Variants in COL15A1 observed in about 807,000 individuals in gnomAD.
The protein encoded by COL15A1 is collagen type XV alpha 1 chain.
A neutral mutation model predicts 165.9 loss-of-function variants in COL15A1; 111 were observed. The ratio of observed to expected loss-of-function variants is 0.67; its 90% CI spans 0.57 to 0.78. The LOEUF is 0.78. COL15A1 is among the 30% of genes least tolerant of loss of function. The pLI, the probability that COL15A1 is intolerant of heterozygous loss-of-function variation, is 0.00. For missense variants in COL15A1, 1,745 were observed against 1,789.7 expected (o/e 0.98, Z 0.45); for synonymous variants, 659 against 674.8 (o/e 0.98, Z 0.36).
At chr9:99,044,798 C>G (rs761891786) in intron 26 of COL15A1, 28 bp downstream of exon 26, 1 of 1,605,484 alleles carries the variant, frequency 6.2e-7, no homozygotes, top group South Asian at 1.1e-5. Flanking sequence ...TCAGCTGGAT[C>G]TGGGCTGGGG....
chr9:99,012,757 G>A lies in COL15A1; in HGVS notation c.1354-2660G>A, dbSNP rs552355086. ...GACGGAGTCTCCCTCTATTGCCCAG[G>A]CTGGAGTGCAATGGTACAATCTCGG... On this transcript the variant is annotated intron_variant, in intron 9 of 41. Transcript: ENST00000375001. 2.3e-5 allele frequency among the ~76,000 whole-genome samples: 3 copies of A among 132,710 alleles called. No homozygotes were observed. The East Asian group carries it at 7.3e-4, about 32-fold the overall frequency. 87.1% of individuals were successfully genotyped at this position (132,710 alleles called of 152,430 possible).
At position 98,996,971 on chromosome 9, in the gene COL15A1, C is replaced by T. The variant is rs1564039395; in HGVS notation, c.842C>T (p.Pro281Leu). ...EAKVEPINTP[P>L]TPSSPFEDME... is the part of the protein sequence containing the mutation. ...AAAGTTGAACCCATAAACACACCTC[C>T]AACTCCATCCTCCCCCTTTGAAGAC... Residue 281 changes from proline (P) to leucine (L), a missense_variant, in exon 6 of 42, where the codon CCA becomes CTA. By Grantham distance (98) the Pro-to-Leu change is moderately conservative. Transcript: ENST00000375001. The T allele has an allele frequency of 1.2e-6, 2 of 1,614,204 alleles. No homozygotes were observed. Among genetic ancestry groups the T allele is most frequent in the Admixed American group, 1.7e-5 (1 of 60,030 alleles).
chr9:98,973,848 C>T (rs1382546948), intron 2 of COL15A1, among the ~76,000 whole-genome samples: 3 of 152,128 alleles, frequency 2.0e-5, no homozygotes, highest in Non-Finnish European at 4.4e-5. Flanking sequence ...GAAACACTGG[C>T]GGGAGACAAG....
intron 2 of COL15A1, among the ~76,000 whole-genome samples, chr9:98,983,270 TG>T (rs1399520177): frequency 6.6e-6 from 1 of 152,146 alleles, no homozygotes; most frequent in Non-Finnish European, 1.5e-5. Context: ...TACCCATTCA[TG>T]GGAAGTTTGA....
intron 8 of COL15A1, among the ~76,000 whole-genome samples, chr9:99,004,055 C>A (rs948310571): frequency 6.6e-6 from 1 of 152,098 alleles, no homozygotes; most frequent in Non-Finnish European, 1.5e-5. Flanking sequence ...GGCCTGAAGC[C>A]TGAAGAAGGG....
rs780161590 is a variant in COL15A1 at position 99,067,025 on chromosome 9, G to A, written c.3795G>A (p.Val1265=). 9.9e-6 allele frequency: 16 copies of A among 1,614,040 alleles called. No homozygotes were observed. In the South Asian group the frequency reaches 1.3e-4, roughly 13 times the overall value. ...SSHLQDLSTI[V]RKAERYSLPI... is the part of the protein sequence containing the mutation. ...ATTTGCAAGATCTGTCCACCATTGTGAGGAAAGCAGAGAGATACAGCCTTC... is the reference window on the plus strand; with the variant it reads ...ATTTGCAAGATCTGTCCACCATTGTAAGGAAAGCAGAGAGATACAGCCTTC... The change falls in exon 40 of 42, where the codon GTG becomes GTA. Residue 1265 remains valine, a synonymous_variant. Coordinates refer to ENST00000375001, the MANE Select transcript of COL15A1 (RefSeq NM_001855.5).
At chr9:98,963,754 T>C (rs1837904332) in intron 2 of COL15A1, among the ~76,000 whole-genome samples, 1 of 152,160 alleles carries the variant, frequency 6.6e-6, no homozygotes, top group African/African-American at 2.4e-5. Flanking sequence ...CCTGAGGCTA[T>C]ATGAGCTACT....
At position 99,006,620 on chromosome 9, in the gene COL15A1, TC is replaced by T. The variant is rs1326907446; in HGVS notation, c.1353+1571del. ...TCAGTGAACAAAGTGGCTGTCTCCT[TC>T]TCCTTCTTCTTCCTCTTCCAGTTGC... On this transcript the variant is annotated intron_variant, in intron 9 of 41. Transcript: ENST00000375001. Among the ~76,000 whole-genome samples the T allele has an allele frequency of 1.8e-4, 27 of 150,570 alleles. 1 individual carries two copies. Among genetic ancestry groups the T allele is most frequent in the African/African-American group, 6.5e-4 (27 of 41,340 alleles).
At chr9:98,966,967 C>A (rs1244036954) in intron 2 of COL15A1, among the ~76,000 whole-genome samples, 1 of 152,142 alleles carries the variant, frequency 6.6e-6, no homozygotes, top group Non-Finnish European at 1.5e-5. Flanking sequence ...AGTCTAGAGT[C>A]CATTAAGCTC....
intron 9 of COL15A1, among the ~76,000 whole-genome samples, chr9:99,005,971 C>T (rs72737277): frequency 0.011 from 1,722 of 152,314 alleles, 12 homozygotes; most frequent in South Asian, 0.029. Context: ...CCTCTTGGGC[C>T]CGTCCTCTCT....
rs1313360125 is a variant in COL15A1 at position 98,943,982 on chromosome 9, A to G, written c.-80A>G. ...AGGGCGAGCGCGGCGGCCAGCGCTC[A>G]GCGACCCTTCGTCCTCCGCTAAGCT... is the stretch of plus-strand genomic sequence containing the variant. On this transcript the variant is annotated 5_prime_UTR_variant, in exon 1 of 42. Transcript: ENST00000375001. 3.2e-6 allele frequency: 5 copies of G among 1,586,944 alleles called. No individual in the cohort carries two copies. In the African/African-American group the frequency reaches 4.0e-5, roughly 13 times the overall value.
chr9:99,043,351 G>A (rs1158616611), intron 24 of COL15A1, among the ~76,000 whole-genome samples: 1 of 152,104 alleles, frequency 6.6e-6, no homozygotes, highest in Admixed American at 6.6e-5. Flanking sequence ...TTGGGAGGAG[G>A]CCCAGGGAAG....
intron 2 of COL15A1, among the ~76,000 whole-genome samples, chr9:98,971,966 C>A (rs376416027): frequency 1.1e-4 from 16 of 152,180 alleles, no homozygotes; most frequent in Non-Finnish European, 2.2e-4. Context: ...TGAGGCTGAA[C>A]GGAGGTGCTG....
At chr9:98,971,158 C>T (rs969539153) in intron 2 of COL15A1, among the ~76,000 whole-genome samples, 1 of 152,206 alleles carries the variant, frequency 6.6e-6, no homozygotes, top group African/African-American at 2.4e-5. Flanking sequence ...TACACTGGCC[C>T]TGCCAGCAGT....
intron 40 of COL15A1, among the ~76,000 whole-genome samples, 160 bp from the exon 41 acceptor site, chr9:99,068,395 G>A (rs538679056): frequency 3.3e-4 from 50 of 151,664 alleles, no homozygotes; most frequent in African/African-American, 1.2e-3. Flanking sequence ...AACCTGGGAG[G>A]TGGAGGTTGC....
intron 9 of COL15A1, among the ~76,000 whole-genome samples, chr9:99,005,289 A>C (rs1251424727): frequency 6.6e-6 from 1 of 152,054 alleles, no homozygotes; most frequent in Admixed American, 6.5e-5. Flanking sequence ...GTTTGTCCCA[A>C]GGCTGCATGC....
At chr9:99,057,795 C>T (rs1825746192) in intron 35 of COL15A1, among the ~76,000 whole-genome samples, 1 of 152,200 alleles carries the variant, frequency 6.6e-6, no homozygotes, top group East Asian at 1.9e-4. Flanking sequence ...TGGCAGGAGC[C>T]AGGTATGGTG....
In COL15A1 at chr9:98,967,300, G is replaced by A. The variant is rs373578033; in HGVS notation, c.101-18265G>A. 3.4e-4 allele frequency among the ~76,000 whole-genome samples: 52 copies of A among 152,288 alleles called. 1 individual carries two copies. The South Asian group carries it at 9.5e-3, about 28-fold the overall frequency. The stretch of plus-strand genomic sequence containing the variant: ...AGTCCCCTCCTGGAAGGTGTGTGCC[G>A]ACCCTTCTCTGTACTGACTTTCCCT... On this transcript the variant is annotated intron_variant, in intron 2 of 41. Transcript: ENST00000375001.
At chr9:99,000,760 T>G in intron 6 of COL15A1, 79 bp from the exon 7 acceptor site, 1 of 764,152 alleles carries the variant, frequency 1.3e-6, no homozygotes, top group Non-Finnish European at 2.3e-6. Flanking sequence ...CTTTCCAAGT[T>G]AGCTGGTGAA....
Sources: gnomAD v4.1 joint callset for allele counts (sites outside exome capture counted in the v4.1 genomes callset) on GRCh38, gnomAD v4.1.1 for gene constraint, MANE v1.5 for transcripts, NCBI Gene and HGNC (gene_info 2026-07-23, HGNC 2026-07-21) for gene names.